WDR36: variants seen among roughly 807,000 people sequenced by gnomAD.
WDR36 encodes the protein WD repeat-containing protein 36.
Under a neutral mutation model 112.7 loss-of-function variants are expected in WDR36, and 63 were observed. The ratio of observed to expected loss-of-function variants is 0.56; its 90% CI spans 0.46 to 0.69. WDR36 has a LOEUF of 0.69. WDR36 is among the 30% of genes least tolerant of loss of function. The pLI, the probability that WDR36 is intolerant of heterozygous loss-of-function variation, is 0.00. For synonymous variants in WDR36, 410 were observed against 362.2 expected, an observed-to-expected ratio of 1.13 and a Z score of -1.50; for missense variants, 1,226 against 1,070.3, an observed-to-expected ratio of 1.15 and a Z score of -2.03.
chr5:111,102,849 TAATG>T (rs1011878426), intron 6 of WDR36, among the ~76,000 whole-genome samples: 1 of 151,750 alleles, frequency 6.6e-6, no homozygotes. Context: ...TGCTTTTTTT[TAATG>T]AATCTGCAAA....
Position 111,103,818 on chromosome 5 carries a change from T to C in WDR36, c.630T>C (p.Leu210=). Residue 210 remains leucine (L), a synonymous_variant, in exon 7 of 23, where the codon CTT becomes CTC. Transcript: ENST00000513710. ...CCGTGGATGTTGTTGCTATTGGTCT[T>C]ATGTCAGGTCAAGTTATCATTCACA... is the stretch of plus-strand genomic sequence containing the variant. ...APAVDVVAIG[L]MSGQVIIHNI... 6.2e-7 allele frequency: 1 copy of C among 1,611,324 alleles called. No individual in the cohort carries two copies. Among genetic ancestry groups the C allele is most frequent in the Non-Finnish European group, 8.5e-7 (1 of 1,178,196 alleles).
intron 2 of WDR36, 100 bp from the exon 3 acceptor site, chr5:111,096,979 T>A (rs1166003618): frequency 1.2e-5 from 9 of 759,724 alleles, no homozygotes; most frequent in African/African-American, 3.5e-5. Flanking sequence ...ATTTATATAT[T>A]TTTTTAAATT....
At chr5:111,095,042 G>C (rs1752946719) in intron 2 of WDR36, 95 bp downstream of exon 2, 1 of 1,159,450 alleles carries the variant, frequency 8.6e-7, no homozygotes, top group South Asian at 1.4e-5. Context: ...AGGAAGCCAA[G>C]GTAACATGTA....
In WDR36 at chr5:111,110,901, C is replaced by G. The variant is rs1215915057; in HGVS notation, c.1555C>G (p.His519Asp). 1.7e-5 allele frequency: 27 copies of G among 1,611,504 alleles called. No homozygotes were observed. The highest frequency in any genetic ancestry group is 2.3e-5 in the Non-Finnish European group (27 of 1,178,480). Residue 519 changes from histidine to aspartate, a missense_variant, in exon 14 of 23, where the codon CAT becomes GAT. Physicochemically the swap from His to Asp is moderately conservative, Grantham distance 81 (BLOSUM62 -1). Transcript: ENST00000513710. ...FWNFKNKILI[H>D]SVSLSSSPNI... is the part of the protein sequence containing the mutation. ...GAACTTTAAAAACAAAATTTTAATC[C>G]ATTCTGTGAGCCTCAGTTCATCTCC...
chr5:111,123,859 A>T lies in WDR36; in HGVS notation c.2203A>T (p.Ile735Phe). 6.2e-7 allele frequency: 1 copy of T among 1,613,930 alleles called. No homozygotes were observed. The highest frequency in any genetic ancestry group is 8.5e-7 in the Non-Finnish European group (1 of 1,179,920). The change falls in exon 20 of 23, where the codon ATT (isoleucine) becomes TTT (phenylalanine). Residue 735 changes from isoleucine to phenylalanine, a missense_variant. Ile to Phe is a conservative substitution (Grantham distance 21). Coordinates refer to ENST00000513710, the MANE Select transcript of WDR36 (RefSeq NM_139281.3). Reference protein sequence around the residue: ...PKVPKSAPFFIPTIPGLVPRY... With the variant: ...PKVPKSAPFFFPTIPGLVPRY... ...AGTACCCAAATCAGCACCATTTTTC[A>T]TTCCAACAATTCCTGGCCTTGTACC...
chr5:111,105,269 T>C, intron 9 of WDR36, 26 bp from the exon 10 acceptor site: 1 of 1,603,992 alleles, frequency 6.2e-7, no homozygotes. Flanking sequence ...GAAGCTTGAT[T>C]AGGGATTTTC....
chr5:111,092,369 G>C lies in WDR36; in HGVS notation c.-88G>C, dbSNP rs755157654. 6.2e-7 allele frequency: 1 copy of C among 1,614,254 alleles called. No individual in the cohort carries two copies. Among genetic ancestry groups the C allele is most frequent in the Non-Finnish European group, 8.5e-7 (1 of 1,180,044 alleles). The stretch of plus-strand genomic sequence containing the variant: ...CGGTGTTGTGTCTGCAGCTCTGGCA[G>C]AGGACTGTTCCACTAGACACGCTGA... On this transcript the variant is annotated 5_prime_UTR_variant, in exon 1 of 23. Coordinates refer to ENST00000513710, the MANE Select transcript of WDR36 (RefSeq NM_139281.3).
rs528169005 is a variant in WDR36 at position 111,096,121 on chromosome 5, A to G, written c.191-958A>G. On this transcript the variant is annotated intron_variant, in intron 2 of 22. Transcript: ENST00000513710. The stretch of plus-strand genomic sequence containing the variant: ...AATTTGCAGCATGAAAAGTACAACA[A>G]TCCTGTGTCTACTAACCCTCCTGCC... Among the ~76,000 whole-genome samples the G allele has an allele frequency of 5.9e-5, 9 of 152,338 alleles. No individual in the cohort carries two copies. In the East Asian group the frequency reaches 1.7e-3, roughly 29 times the overall value.
intron 1 of WDR36, 66 bp from the exon 2 acceptor site, chr5:111,094,854 T>G: frequency 1.5e-6 from 2 of 1,298,572 alleles, no homozygotes; most frequent in South Asian, 2.5e-5. Flanking sequence ...ATCTTAATCT[T>G]CAGGTGTTAG....
chr5:111,114,768 G>C (rs539096995), intron 16 of WDR36, among the ~76,000 whole-genome samples: 1 of 152,146 alleles, frequency 6.6e-6, no homozygotes, highest in African/African-American at 2.4e-5. Context: ...TTTTCTAAAA[G>C]TTAATGTTAT....
chr5:111,098,937 T>A, intron 4 of WDR36, 98 bp downstream of exon 4: 1 of 889,512 alleles, frequency 1.1e-6, no homozygotes, highest in Non-Finnish European at 1.8e-6. Context: ...ATTTTGCCTG[T>A]AAATAGTAAG....
In WDR36 at chr5:111,121,076, T is replaced by C. The variant is rs1226149100; in HGVS notation, c.2083T>C (p.Leu695=). The change falls in exon 19 of 23, where the codon TTG becomes CTG. Residue 695 remains leucine (L), a synonymous_variant. Transcript: ENST00000513710. ...TTCGCCAGAACAGTTGAATGAGCAA[T>C]TGGTGACTCTTTCACTTCTTCCTGA... ...YDSPEQLNEQ[L]VTLSLLPESR... 3 of 1,613,354 alleles carry C rather than the reference T, an allele frequency of 1.9e-6. No homozygotes were observed. Among genetic ancestry groups the C allele is most frequent in the Non-Finnish European group, 2.5e-6 (3 of 1,179,532 alleles).
At chr5:111,119,163 G>A in intron 17 of WDR36, 43 bp downstream of exon 17, 1 of 1,492,020 alleles carries the variant, frequency 6.7e-7, no homozygotes, top group Non-Finnish European at 9.3e-7. Context: ...GAAGAAGATT[G>A]TATTGTCAGA....
chr5:111,092,597 C>G lies in WDR36; in HGVS notation c.141C>G (p.Gly47=), dbSNP rs1752889412. ...KRRFYVTTCV[G]KSFHTYDVQK... is the part of the protein sequence containing the mutation. ...GGTTCTATGTAACAACCTGCGTGGG[C>G]AAGAGTTTCCACACCTATGACGTGA... The change falls in exon 1 of 23, where the codon GGC becomes GGG. Residue 47 remains glycine, a synonymous_variant. Coordinates refer to ENST00000513710, the MANE Select transcript of WDR36 (RefSeq NM_139281.3). 9 of 1,613,634 alleles carry G rather than the reference C, an allele frequency of 5.6e-6. No individual in the cohort carries two copies. Among genetic ancestry groups the G allele is most frequent in the Non-Finnish European group, 5.9e-6 (7 of 1,179,904 alleles).
Position 111,120,526 on chromosome 5 carries a change from A to AT in WDR36, c.1937dup (p.Leu646PhefsTer35). ...ATATTTCCCTGTATTCAGTTGTTTC[A>AT]TTACGGCCACTTCCTGCAGATTATG... On this transcript the variant is annotated frameshift_variant, in exon 18 of 23. Transcript: ENST00000513710. LOFTEE classifies it high-confidence loss of function. 6.2e-7 allele frequency: 1 copy of AT among 1,613,024 alleles called. No homozygotes were observed. Among genetic ancestry groups the AT allele is most frequent in the Admixed American group, 1.7e-5 (1 of 59,980 alleles).
At chr5:111,122,855 G>A (rs761014605) in intron 19 of WDR36, among the ~76,000 whole-genome samples, 5 of 152,112 alleles carry the variant, frequency 3.3e-5, no homozygotes, top group African/African-American at 4.8e-5. Context: ...GGTGGCGCAC[G>A]CCTGTCCCAC....
intron 1 of WDR36, 148 bp from the exon 2 acceptor site, chr5:111,094,772 A>G: frequency 1.5e-6 from 1 of 672,972 alleles, no homozygotes. Flanking sequence ...AAACTTTCCT[A>G]ATAAAGAAAA....
At chr5:111,110,982 C>T (rs773530473) in intron 14 of WDR36, 29 bp downstream of exon 14, 1 of 1,608,966 alleles carries the variant, frequency 6.2e-7, no homozygotes, top group Non-Finnish European at 8.5e-7. Flanking sequence ...TGGATTTTCT[C>T]TTTGATTCTT....
At chr5:111,105,080 T>A (rs1450477040) in intron 9 of WDR36, among the ~76,000 whole-genome samples, 1 of 151,672 alleles carries the variant, frequency 6.6e-6, no homozygotes. Flanking sequence ...CTGAAAATTA[T>A]TAGTACCTCA....
Sources: gnomAD v4.1 joint callset for allele counts (sites outside exome capture counted in the v4.1 genomes callset) on GRCh38, gnomAD v4.1.1 for gene constraint, MANE v1.5 for transcripts, NCBI Gene and HGNC (gene_info 2026-07-23, HGNC 2026-07-21) for gene names.